Variants in EPPIN observed in about 807,000 individuals in gnomAD.
The protein encoded by EPPIN is WAP four-disulfide core domain protein 7.
Under a neutral mutation model 18.8 loss-of-function variants are expected in EPPIN, and 14 were observed. The observed-to-expected ratio is 0.75, with a 90% confidence interval of 0.49 to 1.17. The LOEUF (loss-of-function observed/expected upper bound fraction) is 1.17. Ranked by LOEUF, EPPIN falls within the 50% of genes most tolerant of loss-of-function variation. EPPIN has a pLI of 0.00. For synonymous variants in EPPIN, 57 were observed against 54.8 expected (o/e 1.04, Z -0.18); for missense variants, 143 against 154.2 (o/e 0.93, Z 0.39).
chr20:45,545,600 G>A (rs1376459168), intron 2 of EPPIN, 39 bp downstream of exon 2: 2 of 1,613,400 alleles, frequency 1.2e-6, no homozygotes, highest in East Asian at 2.2e-5. Context: ...TGAGGACAGG[G>A]GGAGGAGGGG....
At chr20:45,542,558 G>T in intron 3 of EPPIN, 142 bp downstream of exon 3, 1 of 1,264,414 alleles carries the variant, frequency 7.9e-7, no homozygotes, top group Non-Finnish European at 1.1e-6. Context: ...TTTGCCAGGT[G>T]CATTCTTACC....
rs774977503 is a variant in EPPIN at position 45,542,806 on chromosome 20, A to AT, written c.284dup (p.Tyr95Ter). 6.2e-7 allele frequency: 1 copy of AT among 1,613,988 alleles called. No individual in the cohort carries two copies. The highest frequency in any genetic ancestry group is 1.1e-5 in the South Asian group (1 of 91,062). Residue 95 changes from tyrosine (Y) to a stop codon, truncating the protein, a stop_gained and frameshift_variant, in exon 3 of 4, where the codon TAT (tyrosine) becomes TAAT (stop). Transcript: ENST00000354280. LOFTEE classifies it high-confidence loss of function. ...PCLAYFLHWW[Y>*]DKKDNTCSMF... ...TGGAGCAAGTATTATCTTTCTTGTC[A>AT]TACCACCAATGAAGAAAATAAGCCA...
rs140203194 is a variant in EPPIN at position 45,545,796 on chromosome 20, G to A, written c.92-26C>T. The A allele has an allele frequency of 6.1e-5, 98 of 1,612,924 alleles. No homozygotes were observed. The East Asian group carries it at 8.2e-4, about 14-fold the overall frequency. ...CTAGGGAAAGAGCGGTTTTACACCC[G>A]TGTGCCTTAGAGAGCATAGTGTCTC... On this transcript the variant is annotated intron_variant, in intron 1 of 3. Transcript: ENST00000354280.
chr20:45,544,184 G>C, intron 2 of EPPIN: 1 of 152,126 alleles, frequency 6.6e-6, no homozygotes, highest in Non-Finnish European at 1.5e-5. Context: ...AATGTATCCT[G>C]ATCTGAACTG....
In EPPIN at chr20:45,547,289, A is replaced by G; in HGVS notation, c.69T>C (p.Gly23=). The G allele has an allele frequency of 6.2e-7, 1 of 1,613,934 alleles. No homozygotes were observed. The highest frequency in any genetic ancestry group is 8.5e-7 in the Non-Finnish European group (1 of 1,179,862). ...TACTGGGAAATAACCAATCAGTCAG[A>G]CCAGGTCCCTGGACATTCGCTAAGA... ...FVLLANVQGP[G]LTDWLFPRRC... The change falls in exon 1 of 4, where the codon GGT becomes GGC. Residue 23 remains glycine (G), a synonymous_variant. Transcript: ENST00000354280.
intron 1 of EPPIN, among the ~76,000 whole-genome samples, chr20:45,547,013 T>C (rs1979861035): frequency 6.6e-6 from 1 of 152,120 alleles, no homozygotes; most frequent in South Asian, 2.1e-4. Flanking sequence ...CTAGATCCTG[T>C]GACTCTCCTC....
Position 45,542,682 on chromosome 20 carries a change from G to C in EPPIN, c.391+18C>G. On this transcript the variant is annotated intron_variant, in intron 3 of 3. Coordinates refer to ENST00000354280, the MANE Select transcript of EPPIN (RefSeq NM_020398.4). Reference sequence around the variant, plus strand: ...ATGGGACTGGAGAGGATGAAAGACCGGGGCCCCTAGGACTTACGTTTATTC... The same window carrying C: ...ATGGGACTGGAGAGGATGAAAGACCCGGGCCCCTAGGACTTACGTTTATTC... The C allele has an allele frequency of 6.2e-7, 1 of 1,609,784 alleles. No individual in the cohort carries two copies. The highest frequency in any genetic ancestry group is 8.5e-7 in the Non-Finnish European group (1 of 1,178,164).
chr20:45,541,952 G>GATA lies in EPPIN; in HGVS notation c.*189_*191dup. 1.7e-6 allele frequency: 1 copy of GATA among 584,200 alleles called. No individual in the cohort carries two copies. The highest frequency in any genetic ancestry group is 2.5e-5 in the South Asian group (1 of 39,450). The allele number at this position is 584,200 out of a possible 1,614,324, so 36.2% of individuals were successfully genotyped here. A position where few individuals can be genotyped will look rare whatever the true frequency, so the allele number is the denominator to read the frequency against. ...CATAAAGATGAAATCAAAACGGATG[G>GATA]ATATTGTGCATCAAAAGAGCCAAAG... is the stretch of plus-strand genomic sequence containing the variant. On this transcript the variant is annotated 3_prime_UTR_variant, in exon 4 of 4. Coordinates refer to ENST00000354280, the MANE Select transcript of EPPIN (RefSeq NM_020398.4).
Position 45,547,330 on chromosome 20 carries a change from G to C in EPPIN, c.28C>G (p.Leu10Val), listed in dbSNP as rs774775135. Residue 10 changes from leucine to valine, a missense_variant, in exon 1 of 4, where the codon CTG becomes GTG. Physicochemically the swap from Leu to Val is conservative, Grantham distance 32. Coordinates refer to ENST00000354280, the MANE Select transcript of EPPIN (RefSeq NM_020398.4). MGSSGLLSL[L>V]VLFVLLANVQ... is the part of the protein sequence containing the mutation. ...TTCGCTAAGAGGACGAATAGCACCAGGAGGCTCAAAAGTCCAGAAGATCCC... is the reference window on the plus strand; with the variant it reads ...TTCGCTAAGAGGACGAATAGCACCACGAGGCTCAAAAGTCCAGAAGATCCC... 6.2e-7 allele frequency: 1 copy of C among 1,613,938 alleles called. No homozygotes were observed. Among genetic ancestry groups the C allele is most frequent in the South Asian group, 1.1e-5 (1 of 91,074 alleles).
intron 1 of EPPIN, 86 bp from the exon 2 acceptor site, chr20:45,545,856 T>C: frequency 1.9e-6 from 3 of 1,560,344 alleles, no homozygotes; most frequent in South Asian, 1.2e-5. Flanking sequence ...TTCTAGAGAG[T>C]CAGGGAAGTT....
intron 2 of EPPIN, chr20:45,544,828 T>C (rs1293415880): frequency 6.6e-6 from 1 of 152,232 alleles, no homozygotes; most frequent in Non-Finnish European, 1.5e-5. Context: ...CCTGAATTGT[T>C]TGATCTCTGC....
rs1979797646 is a variant in EPPIN at position 45,545,713 on chromosome 20, T to C, written c.149A>G (p.Lys50Arg). 1 of 1,613,976 alleles carries C rather than the reference T, an allele frequency of 6.2e-7. No homozygotes were observed. The highest frequency in any genetic ancestry group is 1.3e-5 in the African/African-American group (1 of 74,910). ...CTTGTTGTCCTGGCATTGTCTGTCC[T>C]TTGTACACACATCCCTTTCTTGGAA... Reference protein sequence around the residue: ...CEFQERDVCTKDRQCQDNKKC... With the variant: ...CEFQERDVCTRDRQCQDNKKC... Residue 50 changes from lysine to arginine, a missense_variant, in exon 2 of 4, where the codon AAG (lysine) becomes AGG (arginine). Physicochemically the swap from Lys to Arg is conservative, Grantham distance 26. Coordinates refer to ENST00000354280, the MANE Select transcript of EPPIN (RefSeq NM_020398.4).
In EPPIN at chr20:45,541,356, C is replaced by G. The variant is rs1239336871; in HGVS notation, c.*788G>C. 6.6e-6 allele frequency: 1 copy of G among 152,116 alleles called. No individual in the cohort carries two copies. The highest frequency in any genetic ancestry group is 1.5e-5 in the Non-Finnish European group (1 of 68,040). The allele number at this position is 152,116 out of a possible 1,614,324, so 9.4% of individuals were successfully genotyped here. Reference sequence around the variant, plus strand: ...GGCACAGGCTTACCTATGTAACAAACCTGCAGGTCCTGCACATGTATCCCG... The same window carrying G: ...GGCACAGGCTTACCTATGTAACAAAGCTGCAGGTCCTGCACATGTATCCCG... On this transcript the variant is annotated 3_prime_UTR_variant, in exon 4 of 4. Transcript: ENST00000354280.
intron 2 of EPPIN, 29 bp from the exon 3 acceptor site, chr20:45,542,896 C>T (rs913214789): frequency 6.3e-7 from 1 of 1,590,518 alleles, no homozygotes; most frequent in African/African-American, 1.4e-5. Flanking sequence ...GTTGAAAACT[C>T]AGTGTGCCCA....
At chr20:45,547,189 A>G in intron 1 of EPPIN, 78 bp downstream of exon 1, 2 of 1,596,702 alleles carry the variant, frequency 1.3e-6, no homozygotes, top group Non-Finnish European at 1.7e-6. Flanking sequence ...AGCAACCCAC[A>G]TCTGAAGAGT....
intron 3 of EPPIN, chr20:45,542,376 T>G (rs891646133): frequency 3.0e-6 from 2 of 667,304 alleles, no homozygotes; most frequent in Non-Finnish European, 5.0e-6. Context: ...TTGGTCAACG[T>G]GTCTTAAGTT....
rs1327064768 is a variant in EPPIN, at chr20:45,541,687, A to G, written c.*457T>C. 6.4e-6 allele frequency: 1 copy of G among 156,772 alleles called. No individual in the cohort carries two copies. The highest frequency in any genetic ancestry group is 1.4e-5 in the Non-Finnish European group (1 of 70,848). The allele number at this position is 156,772 out of a possible 1,614,324, so 9.7% of individuals were successfully genotyped here. On this transcript the variant is annotated 3_prime_UTR_variant, in exon 4 of 4. Transcript: ENST00000354280. ...GTTTTACAATCTTTTGTAGAAACAGAGGAAGATAACAATAACAATATTCCT... is the reference window on the plus strand; with the variant it reads ...GTTTTACAATCTTTTGTAGAAACAGGGGAAGATAACAATAACAATATTCCT...
Position 45,542,148 on chromosome 20 carries a change from G to T in EPPIN, c.398C>A (p.Pro133His). ...TTCCAGTGCATCCTTATCCAATCAG[G>T]GAAAGCCTGCAGAGAACGTAGGACA... ...CLNTCKNKRF[P>H] Residue 133 changes from proline (P) to histidine (H), a missense_variant, in exon 4 of 4, where the codon CCC becomes CAC. Coordinates refer to ENST00000354280, the MANE Select transcript of EPPIN (RefSeq NM_020398.4). 6.2e-7 allele frequency: 1 copy of T among 1,613,592 alleles called. No individual in the cohort carries two copies.
In EPPIN at chr20:45,542,699, C is replaced by A; in HGVS notation, c.391+1G>T. ...GAAAGACCGGGGCCCCTAGGACTTA[C>A]GTTTATTCTTGCAGGTGTTCAGGCA... is the stretch of plus-strand genomic sequence containing the variant. On this transcript the variant is annotated splice_donor_variant, in intron 3 of 3. Coordinates refer to ENST00000354280, the MANE Select transcript of EPPIN (RefSeq NM_020398.4). LOFTEE classifies it high-confidence loss of function. The A allele has an allele frequency of 1.2e-6, 2 of 1,613,272 alleles. No individual in the cohort carries two copies. Among genetic ancestry groups the A allele is most frequent in the Non-Finnish European group, 1.7e-6 (2 of 1,179,574 alleles).
Sources: gnomAD v4.1 joint callset for allele counts (sites outside exome capture counted in the v4.1 genomes callset) on GRCh38, gnomAD v4.1.1 for gene constraint, MANE v1.5 for transcripts, NCBI Gene and HGNC (gene_info 2026-07-23, HGNC 2026-07-21) for gene names.